The following NBAS variants were observed in gnomAD, a reference collection of about 807,000 sequenced individuals.
The protein encoded by NBAS is NAG/BC035112 fusion.
A neutral mutation model predicts 302.5 loss-of-function variants in NBAS; 219 were observed. That is an observed-to-expected ratio of 0.72 (90% confidence interval 0.65 to 0.81). NBAS has a LOEUF of 0.81. NBAS is among the 30% of genes least tolerant of loss of function. NBAS has a pLI of 0.00. For missense variants in NBAS, 2,932 were observed against 2,841.6 expected (o/e 1.03, Z -0.72); for synonymous variants, 1,118 against 1,021.6 (o/e 1.09, Z -1.80).
the NBAS span, among the ~76,000 whole-genome samples, chr2:15,001,541 A>G: frequency 6.6e-6 from 1 of 152,232 alleles, no homozygotes; most frequent in Non-Finnish European, 1.5e-5. Flanking sequence ...TTATATTACA[A>G]TAGTTATAAT....
chr2:15,042,336 C>T, the NBAS span, among the ~76,000 whole-genome samples: 1 of 152,174 alleles, frequency 6.6e-6, no homozygotes, highest in Non-Finnish European at 1.5e-5. Flanking sequence ...CAGTAATGAC[C>T]ATAATTTAGT....
At chr2:15,011,536 C>A in the NBAS span, among the ~76,000 whole-genome samples, 2 of 152,138 alleles carry the variant, frequency 1.3e-5, no homozygotes, top group African/African-American at 2.4e-5. Flanking sequence ...AGCTGTGCAC[C>A]CATATCCTGG....
intron 11 of NBAS, among the ~76,000 whole-genome samples, chr2:15,490,776 T>C (rs6752696): frequency 0.026 from 3,901 of 152,310 alleles, 176 homozygotes; most frequent in African/African-American, 0.089. Flanking sequence ...GCCAGGACTA[T>C]AGTCCTCACC....
intron 22 of NBAS, 142 bp downstream of exon 22, chr2:15,427,569 G>A: frequency 7.2e-6 from 5 of 690,490 alleles, no homozygotes; most frequent in Non-Finnish European, 1.3e-5. Context: ...CTGAGTCAAA[G>A]GAGTTTAAAA....
chr2:14,989,636 A>G, the NBAS span, among the ~76,000 whole-genome samples: 2 of 152,226 alleles, frequency 1.3e-5, no homozygotes, highest in Non-Finnish European at 2.9e-5. Flanking sequence ...AATGAATGGC[A>G]TAAATTTTAG....
chr2:15,291,228 A>T (rs1670290524), intron 41 of NBAS, among the ~76,000 whole-genome samples: 1 of 152,232 alleles, frequency 6.6e-6, no homozygotes. Flanking sequence ...GATCCAGGCT[A>T]AAATCATAGC....
At chr2:15,145,428 TGTGTGTC>T in the NBAS span, among the ~76,000 whole-genome samples, 3 of 151,958 alleles carry the variant, frequency 2.0e-5, no homozygotes, top group African/African-American at 7.3e-5. Flanking sequence ...TGTGTGTGTG[TGTGTGTC>T]TTCATGCCTA....
chr2:15,327,997 C>T (rs1672153473), intron 37 of NBAS, 127 bp from the exon 38 acceptor site: 1 of 1,364,008 alleles, frequency 7.3e-7, no homozygotes, highest in Admixed American at 1.8e-5. Flanking sequence ...CAAACTAAAG[C>T]ATGTTATTTT....
At chr2:15,428,742 A>G (rs1448102122) in intron 21 of NBAS, among the ~76,000 whole-genome samples, 1 of 152,112 alleles carries the variant, frequency 6.6e-6, no homozygotes, top group Non-Finnish European at 1.5e-5. Context: ...CTGACTGAAT[A>G]TAACATAAGA....
chr2:14,980,246 G>C, the NBAS span, among the ~76,000 whole-genome samples: 17 of 152,192 alleles, frequency 1.1e-4, no homozygotes, highest in African/African-American at 4.1e-4. Context: ...TCAACCCTGA[G>C]CAGCCAGGCA....
At chr2:15,276,800 C>T (rs1357044013) in intron 43 of NBAS, 51 bp downstream of exon 43, 1 of 1,612,986 alleles carries the variant, frequency 6.2e-7, no homozygotes, top group Non-Finnish European at 8.5e-7. Context: ...AAAATTAATC[C>T]CCAGATTTAA....
At chr2:15,167,910 C>T (rs767373163) in intron 51 of NBAS, among the ~76,000 whole-genome samples, 3 of 152,196 alleles carry the variant, frequency 2.0e-5, no homozygotes, top group African/African-American at 7.2e-5. Flanking sequence ...GTATGTCCCT[C>T]AAGCCCACTG....
At chr2:15,089,079 A>G in the NBAS span, among the ~76,000 whole-genome samples, 1 of 152,184 alleles carries the variant, frequency 6.6e-6, no homozygotes, top group Non-Finnish European at 1.5e-5. Flanking sequence ...AAATCCTTCA[A>G]ACTAGTAGTA....
At chr2:14,786,063 T>C in the NBAS span, among the ~76,000 whole-genome samples, 1 of 152,242 alleles carries the variant, frequency 6.6e-6, no homozygotes, top group Non-Finnish European at 1.5e-5. Context: ...GGTGTATGTG[T>C]CAAGGAATTT....
intron 11 of NBAS, among the ~76,000 whole-genome samples, chr2:15,498,068 C>T (rs746486053): frequency 2.2e-4 from 34 of 152,142 alleles, no homozygotes; most frequent in Non-Finnish European, 4.0e-4. Flanking sequence ...AATCTGCCTG[C>T]AAAATGGGTG....
intron 26 of NBAS, among the ~76,000 whole-genome samples, chr2:15,398,170 G>A (rs959529389): frequency 4.0e-5 from 6 of 151,884 alleles, no homozygotes; most frequent in African/African-American, 1.5e-4. Flanking sequence ...TTGAGACAGG[G>A]TTTTGCTCTG....
At chr2:14,981,206 C>T in the NBAS span, among the ~76,000 whole-genome samples, 98 of 152,282 alleles carry the variant, frequency 6.4e-4, no homozygotes, top group East Asian at 0.017. Flanking sequence ...TTATAGCAAA[C>T]TGATATCCCA....
At chr2:15,285,098 A>G (rs376939145) in intron 42 of NBAS, among the ~76,000 whole-genome samples, 1 of 152,256 alleles carries the variant, frequency 6.6e-6, no homozygotes, top group Non-Finnish European at 1.5e-5. Context: ...TGTGTGTATC[A>G]TAAGAAATAT....
intron 26 of NBAS, among the ~76,000 whole-genome samples, chr2:15,400,538 A>G (rs1450452572): frequency 6.6e-6 from 1 of 152,130 alleles, no homozygotes; most frequent in Non-Finnish European, 1.5e-5. Flanking sequence ...TCAAAAAATA[A>G]CAACACGAGC....
Sources: allele counts gnomAD v4.1 joint callset (sites outside exome capture counted in the v4.1 genomes callset), GRCh38; gene constraint gnomAD v4.1.1; transcripts MANE v1.5; gene names NCBI Gene and HGNC (gene_info 2026-07-23, HGNC 2026-07-21).